The following UGGT2 variants were observed in gnomAD, a reference collection of about 807,000 sequenced individuals.
UGGT2 encodes UDP-glucose glycoprotein glucosyltransferase 2, also known as UDP-glucose:glycoprotein glucosyltransferase 2.
A neutral mutation model predicts 192.1 loss-of-function variants in UGGT2; 180 were observed. The observed-to-expected ratio is 0.94, with a 90% CI of 0.83 to 1.06. The LOEUF (loss-of-function observed/expected upper bound fraction) is 1.06, where lower values mean the gene tolerates loss of function less well. UGGT2 is among the 50% of genes least tolerant of loss of function. The probability of loss-of-function intolerance (pLI) is 0.00; values close to 1 mark genes in which losing one functional copy is unlikely to be tolerated. For missense variants in UGGT2, 1,849 were observed against 1,795.7 expected (o/e 1.03, Z -0.54); for synonymous variants, 580 against 591.0 (o/e 0.98, Z 0.27).
chr13:96,019,238 G>A (rs751415238), intron 4 of UGGT2, among the ~76,000 whole-genome samples: 2 of 149,678 alleles, frequency 1.3e-5, no homozygotes, highest in Non-Finnish European at 3.0e-5. Context: ...AGAGATTTCT[G>A]AGTCAAAGAG....
chr13:95,987,582 C>G (rs2051328360), intron 8 of UGGT2, among the ~76,000 whole-genome samples: 1 of 152,030 alleles, frequency 6.6e-6, no homozygotes, highest in African/African-American at 2.4e-5. Flanking sequence ...ATTGAAGATA[C>G]TAGAAAGAGA....
At chr13:95,909,533 A>G (rs1244422983) in intron 20 of UGGT2, among the ~76,000 whole-genome samples, 1 of 140,284 alleles carries the variant, frequency 7.1e-6, no homozygotes, top group Non-Finnish European at 1.5e-5. Context: ...ATTCTCACTC[A>G]TAGGTGGGAA....
At chr13:95,926,187 T>A (rs1264746212) in intron 19 of UGGT2, among the ~76,000 whole-genome samples, 1 of 152,120 alleles carries the variant, frequency 6.6e-6, no homozygotes, top group Non-Finnish European at 1.5e-5. Flanking sequence ...AACAGCAATA[T>A]GTAGCCAGAC....
intron 10 of UGGT2, among the ~76,000 whole-genome samples, chr13:95,980,152 T>TG (rs71113968): frequency 7.8e-4 from 118 of 151,564 alleles, no homozygotes; most frequent in African/African-American, 2.5e-3. Flanking sequence ...CCCAGAGGGG[T>TG]GGGGGGGAAG....
intron 33 of UGGT2, 194 bp from the exon 34 acceptor site, chr13:95,856,534 TATAA>T (rs1889634910): frequency 3.6e-6 from 2 of 550,776 alleles, no homozygotes; most frequent in South Asian, 5.1e-5. Flanking sequence ...AAATCACAAG[TATAA>T]ATAAAACTAT....
At chr13:95,994,293 A>G (rs887572417) in intron 7 of UGGT2, among the ~76,000 whole-genome samples, 12 of 151,998 alleles carry the variant, frequency 7.9e-5, no homozygotes, top group African/African-American at 2.9e-4. Flanking sequence ...CTAAAAATAA[A>G]GAAACCAATA....
At chr13:95,918,593 GTT>G (rs1462546554) in intron 20 of UGGT2, among the ~76,000 whole-genome samples, 3 of 151,976 alleles carry the variant, frequency 2.0e-5, no homozygotes, top group African/African-American at 7.2e-5. Flanking sequence ...TCCAGGACCT[GTT>G]TTTAGAAAAA....
chr13:95,967,970 C>T (rs1263522985), intron 12 of UGGT2, among the ~76,000 whole-genome samples: 1 of 152,054 alleles, frequency 6.6e-6, no homozygotes, highest in Non-Finnish European at 1.5e-5. Flanking sequence ...ACTTCAAACC[C>T]ATTTTATTAA....
intron 31 of UGGT2, among the ~76,000 whole-genome samples, chr13:95,861,837 A>AAAACTAAGAT (rs1317559334): frequency 8.0e-5 from 12 of 149,418 alleles, no homozygotes; most frequent in African/African-American, 3.1e-4. Context: ...AGTTAGGACT[A>AAAACTAAGAT]AAACTAAGAT....
chr13:95,856,115 A>C, intron 34 of UGGT2, 43 bp downstream of exon 34: 1 of 1,493,008 alleles, frequency 6.7e-7, no homozygotes. Context: ...AGAAGTGTAA[A>C]AAATGTTTGC....
At chr13:95,933,066 T>G (rs904882895) in intron 17 of UGGT2, among the ~76,000 whole-genome samples, 1 of 152,204 alleles carries the variant, frequency 6.6e-6, no homozygotes, top group Non-Finnish European at 1.5e-5. Flanking sequence ...TTGCCAGGTT[T>G]TGGTATCAGG....
intron 2 of UGGT2, among the ~76,000 whole-genome samples, chr13:96,030,804 G>A (rs2052810519): frequency 6.6e-6 from 1 of 152,004 alleles, no homozygotes; most frequent in Non-Finnish European, 1.5e-5. Flanking sequence ...TTAATTCTGA[G>A]GAAGATATAC....
intron 10 of UGGT2, 121 bp downstream of exon 10, chr13:95,983,683 T>A: frequency 1.3e-6 from 1 of 768,108 alleles, no homozygotes; most frequent in Non-Finnish European, 2.1e-6. Flanking sequence ...GAACCCAGAC[T>A]GTTTTAATAA....
chr13:96,050,318 C>T (rs1252933272), intron 1 of UGGT2, among the ~76,000 whole-genome samples: 1 of 152,146 alleles, frequency 6.6e-6, no homozygotes, highest in African/African-American at 2.4e-5. Context: ...ACACCTTATA[C>T]AAAAATTAAT....
intron 38 of UGGT2, among the ~76,000 whole-genome samples, chr13:95,827,269 A>G (rs925529936): frequency 1.3e-5 from 2 of 152,168 alleles, no homozygotes; most frequent in African/African-American, 4.8e-5. Flanking sequence ...CAAAATTTAC[A>G]AGAATTCTAA....
At chr13:96,006,623 CAAAAAAAAAAA>C (rs61256349) in intron 5 of UGGT2, among the ~76,000 whole-genome samples, 46,534 of 95,482 alleles carry the variant, frequency 0.49, 8,758 homozygotes, top group Admixed American at 0.6. Flanking sequence ...GATTCTGCCT[CAAAAAAAAAAA>C]AAAAAAAAAA....
intron 38 of UGGT2, among the ~76,000 whole-genome samples, chr13:95,831,311 C>T (rs1275882705): frequency 6.6e-6 from 1 of 152,048 alleles, no homozygotes; most frequent in Non-Finnish European, 1.5e-5. Context: ...TAAAACTTCT[C>T]TCCCTTACTT....
At chr13:95,859,516 CAT>C (rs1889949857) in intron 33 of UGGT2, 73 bp downstream of exon 33, 1 of 1,177,968 alleles carries the variant, frequency 8.5e-7, no homozygotes, top group African/African-American at 1.6e-5. Context: ...AGAGAAATAT[CAT>C]ATAAACTTAC....
At chr13:95,916,388 C>T (rs2048682697) in intron 20 of UGGT2, among the ~76,000 whole-genome samples, 1 of 152,108 alleles carries the variant, frequency 6.6e-6, no homozygotes, top group South Asian at 2.1e-4. Context: ...AGAAAAACCC[C>T]ATTCAAAGGT....
Sources: allele counts gnomAD v4.1 joint callset (sites outside exome capture counted in the v4.1 genomes callset), GRCh38; gene constraint gnomAD v4.1.1; transcripts MANE v1.5; gene names NCBI Gene and HGNC (gene_info 2026-07-23, HGNC 2026-07-21).